ALKBH8: variants seen among roughly 807,000 people sequenced by gnomAD.
ALKBH8 encodes alkB homolog 8, tRNA methyltransferase, also known as tRNA (carboxymethyluridine(34)-5-O)-methyltransferase ALKBH8.
Under a neutral mutation model 59.8 loss-of-function variants are expected in ALKBH8, and 36 were observed. The observed-to-expected ratio is 0.60, with a 90% CI of 0.46 to 0.79. The LOEUF (loss-of-function observed/expected upper bound fraction) is 0.79, where lower values mean the gene tolerates loss of function less well. ALKBH8 is among the 30% of genes least tolerant of loss of function. ALKBH8 has a pLI of 0.00. For synonymous variants in ALKBH8, 276 were observed against 273.6 expected (o/e 1.01, Z -0.09); for missense variants, 768 against 801.0 (o/e 0.96, Z 0.50).
In ALKBH8 at chr11:107,503,578, C is replaced by G. The variant is rs1270846354; in HGVS notation, c.*1080G>C. The G allele has an allele frequency of 2.7e-5, 4 of 148,740 alleles. No homozygotes were observed. In the East Asian group the frequency reaches 7.7e-4, roughly 29 times the overall value. The allele number at this position is 148,740 out of a possible 1,614,324, so 9.2% of individuals were successfully genotyped here. On this transcript the variant is annotated 3_prime_UTR_variant, in exon 12 of 12. Coordinates refer to ENST00000428149, the MANE Select transcript of ALKBH8 (RefSeq NM_138775.3). Reference sequence around the variant, plus strand: ...CCTTTGTTCCTCCAGGAAATCTAACCTAAGTGGTAAGTTAACTGGGTTACT... The same window carrying G: ...CCTTTGTTCCTCCAGGAAATCTAACGTAAGTGGTAAGTTAACTGGGTTACT...
At chr11:107,539,485 G>A (rs1229956211) in intron 7 of ALKBH8, among the ~76,000 whole-genome samples, 2 of 152,166 alleles carry the variant, frequency 1.3e-5, no homozygotes, top group Non-Finnish European at 2.9e-5. Flanking sequence ...TATAGTCCCA[G>A]CTACTTGGGA....
chr11:107,521,815 AT>A (rs1411000631), intron 10 of ALKBH8, among the ~76,000 whole-genome samples: 4 of 151,932 alleles, frequency 2.6e-5, no homozygotes, highest in Admixed American at 6.6e-5. Context: ...TAAATAGAAA[AT>A]TTTTTTCTAC....
chr11:107,517,322 T>C (rs567306392), intron 10 of ALKBH8, among the ~76,000 whole-genome samples: 123 of 152,228 alleles, frequency 8.1e-4, no homozygotes, highest in African/African-American at 2.9e-3. Flanking sequence ...GGTGGGAATG[T>C]AAATTAGGAC....
intron 7 of ALKBH8, among the ~76,000 whole-genome samples, chr11:107,532,979 T>C (rs1054178186): frequency 6.6e-6 from 1 of 152,080 alleles, no homozygotes; most frequent in African/African-American, 2.4e-5. Context: ...AAGAAATAAA[T>C]ATTAAATGCA....
chr11:107,506,570 G>A (rs1253885816), intron 11 of ALKBH8, among the ~76,000 whole-genome samples: 1 of 152,000 alleles, frequency 6.6e-6, no homozygotes, highest in Non-Finnish European at 1.5e-5. Context: ...TAAATTTTTA[G>A]CAAATTAGAT....
chr11:107,561,932 A>G (rs543228386), intron 1 of ALKBH8, among the ~76,000 whole-genome samples: 1 of 152,368 alleles, frequency 6.6e-6, no homozygotes, highest in Non-Finnish European at 1.5e-5. Context: ...ACACTAAACA[A>G]TAAGACTATG....
In ALKBH8 at chr11:107,511,035, A is replaced by G. The variant is rs767692908; in HGVS notation, c.1289T>C (p.Ile430Thr). 1.3e-6 allele frequency: 2 copies of G among 1,551,124 alleles called. No homozygotes were observed. Among genetic ancestry groups the G allele is most frequent in the South Asian group, 2.4e-5 (2 of 83,710 alleles). Residue 430 changes from isoleucine (I) to threonine (T), a missense_variant and splice_region_variant, in exon 11 of 12, where the codon ATT (isoleucine) becomes ACT (threonine). Ile to Thr is a moderately conservative substitution (Grantham distance 89). Coordinates refer to ENST00000428149, the MANE Select transcript of ALKBH8 (RefSeq NM_138775.3). Reference protein sequence around the residue: ...YLGINKELYMIGCDRSQNLVD... With the variant: ...YLGINKELYMTGCDRSQNLVD... ...AAGGTTTTGGCTACGATCACAACCA[A>G]TCTGTAACAGAGAAGGAATTCCATA...
intron 1 of ALKBH8, among the ~76,000 whole-genome samples, 158 bp from the exon 2 acceptor site, chr11:107,561,057 G>C (rs1022716941): frequency 2.6e-5 from 4 of 152,126 alleles, no homozygotes. Flanking sequence ...AGTGAGAACA[G>C]ATAAATAAAA....
At chr11:107,510,828 A>G in intron 11 of ALKBH8, 59 bp downstream of exon 11, 2 of 1,516,610 alleles carry the variant, frequency 1.3e-6, no homozygotes, top group Non-Finnish European at 1.8e-6. Context: ...AGCAAAATTC[A>G]TGAACTCTTC....
At chr11:107,505,913 C>G (rs1435885195) in intron 11 of ALKBH8, among the ~76,000 whole-genome samples, 1 of 152,160 alleles carries the variant, frequency 6.6e-6, no homozygotes, top group African/African-American at 2.4e-5. Context: ...GGGACAGAGT[C>G]ACAGATAAAG....
chr11:107,522,761 G>A (rs200655796), intron 9 of ALKBH8, among the ~76,000 whole-genome samples: 17 of 152,166 alleles, frequency 1.1e-4, no homozygotes, highest in African/African-American at 3.1e-4. Context: ...AGCTATGATC[G>A]TGCTATTGCA....
rs1863149346 is a variant in ALKBH8, at chr11:107,522,346, C to T, written c.1240G>A (p.Gly414Arg). 1.9e-6 allele frequency: 3 copies of T among 1,551,626 alleles called. No individual in the cohort carries two copies. The highest frequency in any genetic ancestry group is 2.6e-6 in the Non-Finnish European group (3 of 1,146,968). Reference protein sequence around the residue: ...LPSGSIVADIGCGNGKYLGIN... With the variant: ...LPSGSIVADIRCGNGKYLGIN... ...CCAAGATACTTTCCATTACCACATCCAATATCAGCCACTATTGAACCACTT... is the reference window on the plus strand; with the variant it reads ...CCAAGATACTTTCCATTACCACATCTAATATCAGCCACTATTGAACCACTT... The change falls in exon 10 of 12, where the codon GGA becomes AGA. Residue 414 changes from glycine to arginine, a missense_variant. Transcript: ENST00000428149.
intron 10 of ALKBH8, among the ~76,000 whole-genome samples, chr11:107,521,990 A>C (rs1420691714): frequency 3.3e-5 from 5 of 152,138 alleles, no homozygotes; most frequent in Non-Finnish European, 5.9e-5. Flanking sequence ...AGGGGGATCC[A>C]AGCCAAAAAA....
chr11:107,558,007 A>T (rs1440191515), intron 2 of ALKBH8, among the ~76,000 whole-genome samples: 1 of 152,216 alleles, frequency 6.6e-6, no homozygotes, highest in Non-Finnish European at 1.5e-5. Flanking sequence ...GGTAGATAGT[A>T]AATATTTTAG....
Position 107,522,301 on chromosome 11 carries a change from T to G in ALKBH8, c.1285A>C (p.Met429Leu). Reference sequence around the variant, plus strand: ...AAGTCAAAAGCAACATTACTTGCCATATATAACTCCTTATTGATGCCAAGA... The same window carrying G: ...AAGTCAAAAGCAACATTACTTGCCAGATATAACTCCTTATTGATGCCAAGA... ...KYLGINKELY[M>L]IGCDRSQNLV... is the part of the protein sequence containing the mutation. The change falls in exon 10 of 12, where the codon ATG (methionine) becomes CTG (leucine). Residue 429 changes from methionine (M) to leucine (L), a missense_variant and splice_region_variant. By Grantham distance (15) the Met-to-Leu change is conservative. Transcript: ENST00000428149. The G allele has an allele frequency of 1.3e-6, 2 of 1,551,564 alleles. No individual in the cohort carries two copies. The highest frequency in any genetic ancestry group is 1.7e-6 in the Non-Finnish European group (2 of 1,146,914).
At position 107,560,847 on chromosome 11, in the gene ALKBH8, T is replaced by C. The variant is rs1864905239; in HGVS notation, c.47A>G (p.Lys16Arg). Residue 16 changes from lysine (K) to arginine (R), a missense_variant, in exon 2 of 12, where the codon AAG (lysine) becomes AGG (arginine). Transcript: ENST00000428149. Reference protein sequence around the residue: ...QSNYKLSKTEKKFLRKQIKAK... With the variant: ...QSNYKLSKTERKFLRKQIKAK... Reference sequence around the variant, plus strand: ...TTTAATCTGTTTCCTTAAGAACTTCTTCTCAGTTTTACTGAGTTTGTAATT... The same window carrying C: ...TTTAATCTGTTTCCTTAAGAACTTCCTCTCAGTTTTACTGAGTTTGTAATT... The C allele has an allele frequency of 6.2e-7, 1 of 1,613,208 alleles. No individual in the cohort carries two copies. Among genetic ancestry groups the C allele is most frequent in the South Asian group, 1.1e-5 (1 of 91,024 alleles).
Position 107,553,222 on chromosome 11 carries a change from G to A in ALKBH8, c.500-19C>T. 1 of 1,487,576 alleles carries A rather than the reference G, an allele frequency of 6.7e-7. No homozygotes were observed. Among genetic ancestry groups the A allele is most frequent in the Non-Finnish European group, 9.2e-7 (1 of 1,087,848 alleles). 92.1% of individuals were successfully genotyped at this position (1,487,576 alleles called of 1,614,324 possible). A position where few individuals can be genotyped will look rare whatever the true frequency, so the allele number is the denominator to read the frequency against. On this transcript the variant is annotated intron_variant, in intron 4 of 11. Transcript: ENST00000428149. Reference sequence around the variant, plus strand: ...TTTTGAGCTGTGTGAAGAGAACAAAGTAAACAATTAAGAAGGAAAAGAATT... The same window carrying A: ...TTTTGAGCTGTGTGAAGAGAACAAAATAAACAATTAAGAAGGAAAAGAATT...
intron 11 of ALKBH8, among the ~76,000 whole-genome samples, chr11:107,505,936 G>T (rs1862366518): frequency 1.3e-5 from 2 of 152,192 alleles, no homozygotes; most frequent in South Asian, 4.1e-4. Context: ...GAAGCTGCAG[G>T]AAAATTATTC....
chr11:107,532,722 A>G (rs1863649930), intron 7 of ALKBH8, among the ~76,000 whole-genome samples: 1 of 152,152 alleles, frequency 6.6e-6, no homozygotes, highest in Non-Finnish European at 1.5e-5. Context: ...AGAAAACAGC[A>G]GAGTAGAGGT....
Sources: allele counts gnomAD v4.1 joint callset (sites outside exome capture counted in the v4.1 genomes callset), GRCh38; gene constraint gnomAD v4.1.1; transcripts MANE v1.5; gene names NCBI Gene and HGNC (gene_info 2026-07-23, HGNC 2026-07-21).